The following MYO5B variants were observed in gnomAD, a reference collection of about 807,000 sequenced individuals.
MYO5B encodes unconventional myosin-Vb.
A neutral mutation model predicts 229.3 loss-of-function variants in MYO5B; 143 were observed. The ratio of observed to expected loss-of-function variants is 0.62; its 90% CI spans 0.54 to 0.72. The LOEUF (loss-of-function observed/expected upper bound fraction) is 0.72. MYO5B is among the 30% of genes least tolerant of loss of function. MYO5B has a pLI of 0.00. For synonymous variants in MYO5B, 918 were observed against 885.2 expected, an observed-to-expected ratio of 1.04 and a Z score of -0.66; for missense variants, 2,321 against 2,331.0, an observed-to-expected ratio of 1.00 and a Z score of 0.09.
chr18:50,194,639 A>G, intron 1 of MYO5B, 128 bp downstream of exon 1: 1 of 625,630 alleles, frequency 1.6e-6, no homozygotes, highest in Non-Finnish European at 2.7e-6. Context: ...GACGAGGAGG[A>G]CACCGCGGAG....
chr18:50,194,704 G>C, intron 1 of MYO5B, 63 bp downstream of exon 1: 1 of 1,218,760 alleles, frequency 8.2e-7, no homozygotes. Flanking sequence ...GCGACCCTGA[G>C]TACTAGGTGG....
At chr18:50,167,068 C>T (rs2032863139) in intron 1 of MYO5B, among the ~76,000 whole-genome samples, 1 of 152,208 alleles carries the variant, frequency 6.6e-6, no homozygotes, top group Non-Finnish European at 1.5e-5. Flanking sequence ...TAACTGAATT[C>T]CCTAAGCATC....
intron 4 of MYO5B, among the ~76,000 whole-genome samples, chr18:50,004,929 C>T (rs974738314): frequency 2.0e-5 from 3 of 152,178 alleles, no homozygotes; most frequent in African/African-American, 7.2e-5. Flanking sequence ...ATTTGAACCT[C>T]GGCCGCACCA....
At chr18:50,135,556 G>A (rs1240911890) in intron 1 of MYO5B, among the ~76,000 whole-genome samples, 1 of 152,182 alleles carries the variant, frequency 6.6e-6, no homozygotes, top group Non-Finnish European at 1.5e-5. Context: ...ATGTCCCAAA[G>A]ACACCTCTCT....
At chr18:50,069,354 T>TA (rs1470741845) in intron 1 of MYO5B, among the ~76,000 whole-genome samples, 1 of 152,144 alleles carries the variant, frequency 6.6e-6, no homozygotes, top group East Asian at 1.9e-4. Context: ...CAGCATCATG[T>TA]CAGGACAGAG....
At chr18:50,067,578 T>C (rs2030852982) in intron 1 of MYO5B, among the ~76,000 whole-genome samples, 1 of 152,166 alleles carries the variant, frequency 6.6e-6, no homozygotes, top group South Asian at 2.1e-4. Flanking sequence ...GATGAATAGA[T>C]TAATGCCCTC....
chr18:49,892,977 A>C (rs957105670), intron 22 of MYO5B, among the ~76,000 whole-genome samples: 1 of 152,200 alleles, frequency 6.6e-6, no homozygotes, highest in East Asian at 1.9e-4. Context: ...CTAGGTCAGC[A>C]TATCATTGCT....
chr18:49,864,121 G>A lies in MYO5B; in HGVS notation c.3843+20C>T, dbSNP rs1196272911. 5.6e-6 allele frequency: 9 copies of A among 1,604,080 alleles called. No individual in the cohort carries two copies. The highest frequency in any genetic ancestry group is 2.2e-5 in the East Asian group (1 of 44,864). ...AGGGTCACCCCTCGGCAGCCCCACC[G>A]CGGGCCGCCATCTTGTTACCGCGTT... On this transcript the variant is annotated intron_variant, in intron 28 of 39. Coordinates refer to ENST00000285039, the MANE Select transcript of MYO5B (RefSeq NM_001080467.3).
intron 5 of MYO5B, among the ~76,000 whole-genome samples, chr18:49,992,868 A>G (rs1226829644): frequency 6.6e-6 from 1 of 152,176 alleles, no homozygotes; most frequent in Admixed American, 6.5e-5. Flanking sequence ...CTAGCTCTGA[A>G]CTTTCTGGAA....
intron 10 of MYO5B, chr18:49,970,812 C>T (rs376405912): frequency 3.6e-4 from 55 of 152,168 alleles, no homozygotes; most frequent in African/African-American, 1.3e-3. Flanking sequence ...GCAGTTCCAC[C>T]CTCGTTTCCT....
chr18:50,105,804 A>G (rs2031749082), intron 1 of MYO5B, among the ~76,000 whole-genome samples: 1 of 152,078 alleles, frequency 6.6e-6, no homozygotes, highest in African/African-American at 2.4e-5. Flanking sequence ...GGACAAATTA[A>G]GTAAAGACAA....
chr18:49,892,987 T>C (rs1353776322), intron 22 of MYO5B, among the ~76,000 whole-genome samples: 1 of 152,228 alleles, frequency 6.6e-6, no homozygotes, highest in Non-Finnish European at 1.5e-5. Flanking sequence ...ATATCATTGC[T>C]AGGGAAGAGT....
chr18:50,041,499 C>T (rs1296667305), intron 2 of MYO5B, among the ~76,000 whole-genome samples: 4 of 151,886 alleles, frequency 2.6e-5, no homozygotes, highest in Non-Finnish European at 5.9e-5. Context: ...GAAACACTAG[C>T]ACATACAGAA....
At chr18:50,104,167 T>TAAAAA (rs144294604) in intron 1 of MYO5B, among the ~76,000 whole-genome samples, 3 of 131,488 alleles carry the variant, frequency 2.3e-5, no homozygotes, top group Admixed American at 1.6e-4. Flanking sequence ...ACTTGTCTAT[T>TAAAAA]AAAAAGAAAA....
chr18:50,053,420 C>T (rs902298912), intron 2 of MYO5B, among the ~76,000 whole-genome samples: 12 of 151,448 alleles, frequency 7.9e-5, no homozygotes, highest in Admixed American at 2.0e-4. Flanking sequence ...TCACTACCTC[C>T]GTGCAACTTT....
At chr18:50,052,076 G>A (rs1440366489) in intron 2 of MYO5B, among the ~76,000 whole-genome samples, 1 of 152,142 alleles carries the variant, frequency 6.6e-6, no homozygotes, top group Non-Finnish European at 1.5e-5. Flanking sequence ...AGAGGATGTG[G>A]AGAAATAGGA....
chr18:49,982,536 G>T (rs1384628652), intron 8 of MYO5B, among the ~76,000 whole-genome samples: 1 of 152,102 alleles, frequency 6.6e-6, no homozygotes, highest in African/African-American at 2.4e-5. Flanking sequence ...TGAATAAGTG[G>T]TACCTCACGC....
chr18:50,053,669 C>CTGAG (rs2030464564), intron 2 of MYO5B, among the ~76,000 whole-genome samples: 1 of 151,818 alleles, frequency 6.6e-6, no homozygotes, highest in East Asian at 1.9e-4. Context: ...GGGTGCACAC[C>CTGAG]TCAGTACAGA....
At position 50,077,502 on chromosome 18, in the gene MYO5B, AACACACAC is replaced by A. The variant is rs60086500; in HGVS notation, c.28-22132_28-22125del. 6.6e-3 allele frequency among the ~76,000 whole-genome samples: 887 copies of A among 133,604 alleles called. 3 individuals are homozygous for A. The highest frequency in any genetic ancestry group is 0.018 in the African/African-American group (688 of 37,662). 87.6% of individuals were successfully genotyped at this position (133,604 alleles called of 152,430 possible). A position where few individuals can be genotyped will look rare whatever the true frequency, so the allele number is the denominator to read the frequency against. On this transcript the variant is annotated intron_variant, in intron 1 of 39. Transcript: ENST00000285039. ...AAGGCAAAACACACACACACACACAAACACACACACACACACACACACACACACACACA... is the reference window on the plus strand; with the variant it reads ...AAGGCAAAACACACACACACACACAAACACACACACACACACACACACACA...
Sources: gnomAD v4.1 joint callset for allele counts (sites outside exome capture counted in the v4.1 genomes callset) on GRCh38, gnomAD v4.1.1 for gene constraint, MANE v1.5 for transcripts, NCBI Gene and HGNC (gene_info 2026-07-23, HGNC 2026-07-21) for gene names.